CDK12: variants seen among roughly 807,000 people sequenced by gnomAD.
CDK12 encodes cyclin dependent kinase 12.
Under a neutral mutation model 133.8 loss-of-function variants are expected in CDK12, and 17 were observed. The observed-to-expected ratio is 0.13, with a 90% CI of 0.09 to 0.19. CDK12 has a LOEUF of 0.19. CDK12 is among the 10% of genes least tolerant of loss of function. CDK12 has a pLI of 1.00. For missense variants in CDK12, 1,508 were observed against 1,818.7 expected (o/e 0.83, Z 3.11); for synonymous variants, 694 against 683.6 (o/e 1.02, Z -0.24).
rs774974902 is a variant in CDK12 at position 39,462,383 on chromosome 17, G to A, written c.312G>A (p.Arg104=). The A allele has an allele frequency of 6.2e-7, 1 of 1,614,174 alleles. No homozygotes were observed. Among genetic ancestry groups the A allele is most frequent in the African/African-American group, 1.3e-5 (1 of 75,050 alleles). ...RENDERRGSD[R]SDRLHKHRHH... ...ACGACGAACGTCGTGGATCAGATCG[G>A]AGCGACCGCCTGCACAAACATCGTC... The change falls in exon 1 of 14, where the codon CGG becomes CGA. Residue 104 remains arginine (R), a synonymous_variant. Transcript: ENST00000447079.
intron 6 of CDK12, among the ~76,000 whole-genome samples, chr17:39,506,698 T>C (rs895964228): frequency 4.6e-5 from 7 of 151,960 alleles, no homozygotes; most frequent in Admixed American, 2.6e-4. Flanking sequence ...GAAGGAAGTA[T>C]TACGTGAAAG....
Position 39,461,793 on chromosome 17 carries a change from G to T in CDK12, c.-279G>T. The T allele has an allele frequency of 4.2e-6, 2 of 471,798 alleles. No individual in the cohort carries two copies. The highest frequency in any genetic ancestry group is 3.7e-5 in the Admixed American group (1 of 27,318). The allele number at this position is 471,798 out of a possible 1,614,324, so 29.2% of individuals were successfully genotyped here. ...CCCGGGCCTGAGGACTGGCTCGGCG[G>T]AGGGAGAAGAGGAAACAGACTTGAG... On this transcript the variant is annotated 5_prime_UTR_variant, in exon 1 of 14. Transcript: ENST00000447079.
downstream of CDK12, among the ~76,000 whole-genome samples, chr17:39,566,571 C>T (rs1043811789): frequency 6.6e-5 from 10 of 152,278 alleles, no homozygotes; most frequent in African/African-American, 2.2e-4. Flanking sequence ...CAGTTTCACC[C>T]GCCATACCCC....
In CDK12 at chr17:39,461,673, G is replaced by A; in HGVS notation, c.-399G>A. On this transcript the variant is annotated 5_prime_UTR_variant, in exon 1 of 14. Transcript: ENST00000447079. Reference sequence around the variant, plus strand: ...CGTCCTGAACCGGGCTACCGGGTAGGGGAAGGGCCCGCGTAGTCCTCGCAG... The same window carrying A: ...CGTCCTGAACCGGGCTACCGGGTAGAGGAAGGGCCCGCGTAGTCCTCGCAG... The A allele has an allele frequency of 3.5e-6, 1 of 289,404 alleles. No homozygotes were observed. Among genetic ancestry groups the A allele is most frequent in the Non-Finnish European group, 6.6e-6 (1 of 151,414 alleles). 17.9% of individuals were successfully genotyped at this position (289,404 alleles called of 1,614,324 possible). A position where few individuals can be genotyped will look rare whatever the true frequency, so the allele number is the denominator to read the frequency against.
At chr17:39,474,580 G>A (rs1010335546) in intron 2 of CDK12, among the ~76,000 whole-genome samples, 1 of 152,164 alleles carries the variant, frequency 6.6e-6, no homozygotes, top group Admixed American at 6.6e-5. Context: ...CTTCCAAAGT[G>A]TTGGGATTAC....
downstream of CDK12, among the ~76,000 whole-genome samples, chr17:39,566,208 G>T (rs1456584299): frequency 6.6e-6 from 1 of 152,098 alleles, no homozygotes; most frequent in Non-Finnish European, 1.5e-5. Context: ...TCTGGAAAAG[G>T]TCTGATTGCT....
At chr17:39,476,385 T>G (rs1266197676) in intron 2 of CDK12, among the ~76,000 whole-genome samples, 1 of 151,944 alleles carries the variant, frequency 6.6e-6, no homozygotes, top group African/African-American at 2.4e-5. Context: ...CTGAGATTAC[T>G]GGCATGAATC....
chr17:39,516,854 G>A (rs1325895221), intron 9 of CDK12, among the ~76,000 whole-genome samples: 1 of 150,958 alleles, frequency 6.6e-6, no homozygotes, highest in African/African-American at 2.4e-5. Context: ...TAGTAGAGAC[G>A]GGGTTTCACC....
intron 1 of CDK12, among the ~76,000 whole-genome samples, chr17:39,466,618 A>C: frequency 3.8e-5 from 1 of 26,044 alleles, no homozygotes; most frequent in South Asian, 2.1e-3. Flanking sequence ...TCTATCTGAA[A>C]AAAAAAAAAA....
chr17:39,483,264 T>G (rs571423225), intron 2 of CDK12, among the ~76,000 whole-genome samples: 6 of 151,302 alleles, frequency 4.0e-5, no homozygotes, highest in African/African-American at 1.2e-4. Context: ...TCACTGTTTC[T>G]TTTCTTTTTT....
At position 39,531,415 on chromosome 17, in the gene CDK12, A is replaced by G. The variant is rs1355712783; in HGVS notation, c.*99A>G. 1.7e-6 allele frequency: 2 copies of G among 1,210,966 alleles called. No homozygotes were observed. The highest frequency in any genetic ancestry group is 1.1e-6 in the Non-Finnish European group (1 of 929,396). The allele number at this position is 1,210,966 out of a possible 1,614,324, so 75.0% of individuals were successfully genotyped here. ...AATCATTTGCCAGAGCGAGGTAATC[A>G]TCTGCATTTGGCTACTGCAAAGCTG... On this transcript the variant is annotated 3_prime_UTR_variant, in exon 14 of 14. Coordinates refer to ENST00000447079, the MANE Select transcript of CDK12 (RefSeq NM_016507.4).
At chr17:39,476,310 A>G (rs2050186884) in intron 2 of CDK12, among the ~76,000 whole-genome samples, 1 of 151,550 alleles carries the variant, frequency 6.6e-6, no homozygotes, top group African/African-American at 2.4e-5. Context: ...GGGTTTCACC[A>G]TATTTCTCCT....
downstream of CDK12, among the ~76,000 whole-genome samples, chr17:39,565,419 G>T (rs1190939966): frequency 6.9e-6 from 1 of 144,520 alleles, no homozygotes; most frequent in Non-Finnish European, 1.5e-5. Flanking sequence ...CAGCCTGTTT[G>T]TTTGTTTGTT....
intron 8 of CDK12, 130 bp from the exon 9 acceptor site, chr17:39,515,601 T>G: frequency 3.3e-6 from 2 of 609,758 alleles, no homozygotes; most frequent in Non-Finnish European, 5.8e-6. Context: ...CTTTGGAAAC[T>G]CAGACACTGA....
At chr17:39,539,103 A>G (rs569328673), downstream of CDK12, among the ~76,000 whole-genome samples, 8 of 152,320 alleles carry the variant, frequency 5.3e-5, no homozygotes, top group South Asian at 1.7e-3. Flanking sequence ...CAAACTGTTG[A>G]AAGCGACTCA....
At chr17:39,562,171 C>CTCGT (rs2056397947) in intron 3 of CDK12, among the ~76,000 whole-genome samples, 1 of 152,172 alleles carries the variant, frequency 6.6e-6, no homozygotes, top group Admixed American at 6.5e-5. Flanking sequence ...AACTTCTGAC[C>CTCGT]TCGTGATCCA....
chr17:39,467,277 A>T (rs1394524336), intron 1 of CDK12, among the ~76,000 whole-genome samples: 5 of 152,024 alleles, frequency 3.3e-5, no homozygotes, highest in Non-Finnish European at 7.4e-5. Context: ...ATGCCCGGCG[A>T]AACAACCTAA....
At chr17:39,494,001 C>CA (rs1208632399) in intron 4 of CDK12, among the ~76,000 whole-genome samples, 1 of 151,782 alleles carries the variant, frequency 6.6e-6, no homozygotes, top group African/African-American at 2.4e-5. Flanking sequence ...ATCTCAAAAA[C>CA]AAAAAATTCA....
At chr17:39,504,604 C>T (rs565166693) in intron 6 of CDK12, among the ~76,000 whole-genome samples, 38 of 152,048 alleles carry the variant, frequency 2.5e-4, no homozygotes, top group African/African-American at 8.2e-4. Flanking sequence ...GGGAGGCCAA[C>T]GTGGTGGCTC....
Sources: gnomAD v4.1 joint callset for allele counts (sites outside exome capture counted in the v4.1 genomes callset) on GRCh38, gnomAD v4.1.1 for gene constraint, MANE v1.5 for transcripts, NCBI Gene and HGNC (gene_info 2026-07-23, HGNC 2026-07-21) for gene names.